PDSS2: variants seen among roughly 807,000 people sequenced by gnomAD.
PDSS2 encodes all trans-polyprenyl-diphosphate synthase PDSS2.
A neutral mutation model predicts 44.5 loss-of-function variants in PDSS2; 31 were observed. The observed-to-expected ratio is 0.70, with a 90% CI of 0.52 to 0.94. The LOEUF (loss-of-function observed/expected upper bound fraction) is 0.94, where lower values mean the gene tolerates loss of function less well. PDSS2 is among the 40% of genes least tolerant of loss of function. The pLI, the probability that PDSS2 is intolerant of heterozygous loss-of-function variation, is 0.00. For synonymous variants in PDSS2, 157 were observed against 180.3 expected (o/e 0.87, Z 1.03); for missense variants, 452 against 482.2 (o/e 0.94, Z 0.59).
intron 1 of PDSS2, among the ~76,000 whole-genome samples, chr6:107,387,819 G>A (rs1237227274): frequency 2.0e-5 from 3 of 152,268 alleles, no homozygotes; most frequent in African/African-American, 7.2e-5. Flanking sequence ...GCTAGGAAAG[G>A]TCCAAATTAC....
chr6:107,348,850 A>AT (rs200654641), intron 1 of PDSS2, among the ~76,000 whole-genome samples: 2,525 of 151,584 alleles, frequency 0.017, 52 homozygotes, highest in African/African-American at 0.054. Context: ...TGCTCTTAGC[A>AT]TTTTTTTTTA....
intron 1 of PDSS2, among the ~76,000 whole-genome samples, chr6:107,396,015 A>G (rs1779928377): frequency 6.6e-6 from 1 of 152,146 alleles, no homozygotes; most frequent in South Asian, 2.1e-4. Flanking sequence ...TGACCCTTCT[A>G]ATATCTCCCC....
Position 107,441,744 on chromosome 6 carries a change from G to A in PDSS2, c.296+17246C>T, listed in dbSNP as rs1477466531. On this transcript the variant is annotated intron_variant, in intron 1 of 7. Transcript: ENST00000369037. Reference sequence around the variant, plus strand: ...TCAGAATCCATTCCCCTTTTGGCCTGTAACACATTTCACTTTTCAATTAGG... The same window carrying A: ...TCAGAATCCATTCCCCTTTTGGCCTATAACACATTTCACTTTTCAATTAGG... Among the ~76,000 whole-genome samples the A allele has an allele frequency of 6.6e-5, 10 of 152,106 alleles. No individual in the cohort carries two copies. The East Asian group carries it at 1.9e-3, about 29-fold the overall frequency.
intron 1 of PDSS2, among the ~76,000 whole-genome samples, chr6:107,444,958 A>G (rs1023945370): frequency 2.6e-5 from 4 of 152,300 alleles, no homozygotes; most frequent in Admixed American, 2.6e-4. Flanking sequence ...ATTTAAACAA[A>G]AATTTAATCC....
chr6:107,443,657 C>T (rs1781577025), intron 1 of PDSS2, among the ~76,000 whole-genome samples: 1 of 152,176 alleles, frequency 6.6e-6, no homozygotes, highest in African/African-American at 2.4e-5. Context: ...CCCATCCCAC[C>T]GTGTGGTGCA....
intron 1 of PDSS2, among the ~76,000 whole-genome samples, chr6:107,448,434 C>T (rs1255794787): frequency 6.6e-6 from 1 of 152,158 alleles, no homozygotes; most frequent in Non-Finnish European, 1.5e-5. Context: ...AGGGCAAGGG[C>T]AAAAAGCTGC....
chr6:107,405,339 G>A (rs1249841942), intron 1 of PDSS2, among the ~76,000 whole-genome samples: 4 of 151,732 alleles, frequency 2.6e-5, no homozygotes, highest in Non-Finnish European at 5.9e-5. Flanking sequence ...ACACGTGTAA[G>A]TATAGAACTC....
chr6:107,248,558 G>T (rs1554258555), intron 3 of PDSS2, among the ~76,000 whole-genome samples: 1 of 140,732 alleles, frequency 7.1e-6, no homozygotes, highest in Non-Finnish European at 1.5e-5. Flanking sequence ...AGCAGCCACA[G>T]AATCTAGATT....
Position 107,159,578 on chromosome 6 carries a change from G to A in PDSS2, c.1042-4801C>T, listed in dbSNP as rs548174557. On this transcript the variant is annotated intron_variant, in intron 7 of 7. Transcript: ENST00000369037. ...ACTACAGGCACGTGCCACCATGCCCGGCTAATTTTTTGTATTTTTTTAGTA... is the reference window on the plus strand; with the variant it reads ...ACTACAGGCACGTGCCACCATGCCCAGCTAATTTTTTGTATTTTTTTAGTA... Among the ~76,000 whole-genome samples, 107 of 151,742 alleles carry A rather than the reference G, an allele frequency of 7.1e-4. 1 individual carries two copies. The highest frequency in any genetic ancestry group is 4.3e-4 in the African/African-American group (18 of 41,426).
intron 1 of PDSS2, among the ~76,000 whole-genome samples, chr6:107,424,175 G>A (rs1339042954): frequency 6.6e-6 from 1 of 150,870 alleles, no homozygotes; most frequent in African/African-American, 2.4e-5. Flanking sequence ...TCAAGTAACT[G>A]GGACCATAGG....
At chr6:107,288,492 A>G (rs576802755) in intron 2 of PDSS2, among the ~76,000 whole-genome samples, 1 of 152,220 alleles carries the variant, frequency 6.6e-6, no homozygotes, top group Non-Finnish European at 1.5e-5. Context: ...GGAGCAGGAA[A>G]TGCAGATGCT....
intron 2 of PDSS2, among the ~76,000 whole-genome samples, chr6:107,331,663 G>T (rs1240333889): frequency 1.3e-5 from 2 of 152,214 alleles, no homozygotes; most frequent in East Asian, 3.9e-4. Flanking sequence ...AGATAAAAAT[G>T]GGATTTCAAT....
chr6:107,358,184 C>T (rs919049780), intron 1 of PDSS2, among the ~76,000 whole-genome samples: 5 of 152,108 alleles, frequency 3.3e-5, no homozygotes, highest in African/African-American at 1.2e-4. Flanking sequence ...AAATTACCTT[C>T]GGACTAGGTG....
At chr6:107,191,725 C>G (rs926382272) in intron 7 of PDSS2, among the ~76,000 whole-genome samples, 2 of 152,208 alleles carry the variant, frequency 1.3e-5, no homozygotes, top group African/African-American at 4.8e-5. Flanking sequence ...ATCCTCCCAT[C>G]TCAGCCTCCC....
Position 107,212,096 on chromosome 6 carries a change from G to A in PDSS2, c.876+13C>T. The A allele has an allele frequency of 1.2e-6, 2 of 1,608,402 alleles. No individual in the cohort carries two copies. Among genetic ancestry groups the A allele is most frequent in the Non-Finnish European group, 1.7e-6 (2 of 1,174,878 alleles). On this transcript the variant is annotated intron_variant, in intron 5 of 7. Coordinates refer to ENST00000369037, the MANE Select transcript of PDSS2 (RefSeq NM_020381.4). ...TTTAAGTACTGAAAAAAGATAAAGG[G>A]TGTGCAAAGTACCTTATGACTCATG... is the stretch of plus-strand genomic sequence containing the variant.
intron 1 of PDSS2, among the ~76,000 whole-genome samples, chr6:107,400,544 G>A (rs1191930200): frequency 6.6e-6 from 1 of 152,170 alleles, no homozygotes; most frequent in African/African-American, 2.4e-5. Context: ...TGAACTGTTT[G>A]TGACTTGGCT....
At chr6:107,171,071 G>C (rs574114832) in intron 7 of PDSS2, among the ~76,000 whole-genome samples, 2 of 152,238 alleles carry the variant, frequency 1.3e-5, no homozygotes, top group Non-Finnish European at 2.9e-5. Context: ...CCACCTGTTA[G>C]AGAGGTAGTC....
chr6:107,290,030 C>T (rs1489007069), intron 2 of PDSS2, among the ~76,000 whole-genome samples: 7 of 152,142 alleles, frequency 4.6e-5, no homozygotes, highest in East Asian at 1.9e-4. Context: ...CCTTAAGCCT[C>T]GGCCCGTGAT....
At chr6:107,299,979 C>CCT (rs895767431) in intron 2 of PDSS2, among the ~76,000 whole-genome samples, 4 of 152,050 alleles carry the variant, frequency 2.6e-5, no homozygotes, top group African/African-American at 9.7e-5. Flanking sequence ...AAGGACTAGA[C>CCT]CTCTCAAAAC....
Sources: allele counts gnomAD v4.1 joint callset (sites outside exome capture counted in the v4.1 genomes callset), GRCh38; gene constraint gnomAD v4.1.1; transcripts MANE v1.5; gene names NCBI Gene and HGNC (gene_info 2026-07-23, HGNC 2026-07-21).